The following ANKRD13C variants were observed in gnomAD, a reference collection of about 807,000 sequenced individuals.
ANKRD13C encodes ankyrin repeat domain-containing protein 13C.
ANKRD13C carries 16 observed loss-of-function variants against 65.5 expected under a neutral mutation model. That is an observed-to-expected ratio of 0.24 (90% confidence interval 0.17 to 0.37). The LOEUF (loss-of-function observed/expected upper bound fraction) is 0.37. Among genes scored for constraint, ANKRD13C ranks in the 10% least tolerant of loss-of-function variants. The pLI, the probability that ANKRD13C is intolerant of heterozygous loss-of-function variation, is 1.00. For missense variants in ANKRD13C, 503 were observed against 655.9 expected (o/e 0.77, Z 2.55); for synonymous variants, 235 against 238.7 (o/e 0.98, Z 0.14).
Position 70,262,671 on chromosome 1 carries a change from T to A in ANKRD13C, c.*46A>T, listed in dbSNP as rs1243763966. The A allele has an allele frequency of 1.9e-6, 3 of 1,587,822 alleles. No homozygotes were observed. The highest frequency in any genetic ancestry group is 2.6e-6 in the Non-Finnish European group (3 of 1,165,580). On this transcript the variant is annotated 3_prime_UTR_variant, in exon 13 of 13. Transcript: ENST00000370944. ...TCTATTTGGATCCACTTCTAGGGTC[T>A]CTGTATTTTCTTTCCTTGGTTAGAC...
At chr1:70,292,359 C>T in intron 9 of ANKRD13C, 29 bp downstream of exon 9, 1 of 1,522,876 alleles carries the variant, frequency 6.6e-7, no homozygotes, top group Non-Finnish European at 8.8e-7. Context: ...TCTTAGAAAA[C>T]TACAAATTAG....
intron 1 of ANKRD13C, 59 bp from the exon 2 acceptor site, chr1:70,336,158 C>T: frequency 2.2e-6 from 1 of 452,210 alleles, no homozygotes; most frequent in South Asian, 5.5e-5. Flanking sequence ...AGAACATTTA[C>T]TTAAAAGTGG....
chr1:70,350,609 T>C (rs1397920396), intron 1 of ANKRD13C, among the ~76,000 whole-genome samples: 1 of 152,190 alleles, frequency 6.6e-6, no homozygotes, highest in Admixed American at 6.5e-5. Context: ...AAGACTCTTG[T>C]ACGGAACAAA....
chr1:70,296,046 A>C, intron 8 of ANKRD13C, 84 bp downstream of exon 8: 1 of 1,492,020 alleles, frequency 6.7e-7, no homozygotes, highest in South Asian at 1.3e-5. Context: ...TCTGTAAGCT[A>C]CTTCTTGCAT....
chr1:70,278,998 T>G (rs1445557853), intron 9 of ANKRD13C, among the ~76,000 whole-genome samples: 1 of 151,660 alleles, frequency 6.6e-6, no homozygotes, highest in African/African-American at 2.4e-5. Context: ...CTCAGGAGTT[T>G]GAGACTAGCC....
chr1:70,276,611 A>C (rs1366688196), intron 10 of ANKRD13C, among the ~76,000 whole-genome samples, 154 bp downstream of exon 10: 1 of 152,224 alleles, frequency 6.6e-6, no homozygotes, highest in Non-Finnish European at 1.5e-5. Flanking sequence ...TATCATATTT[A>C]ATCCATATTT....
chr1:70,293,527 C>T (rs1387971923), intron 8 of ANKRD13C: 2 of 983,134 alleles, frequency 2.0e-6, no homozygotes, highest in African/African-American at 1.7e-5. Flanking sequence ...AAGAAGATCA[C>T]CTAGATGCTT....
intron 12 of ANKRD13C, among the ~76,000 whole-genome samples, chr1:70,267,098 C>A (rs1678661402): frequency 6.6e-6 from 1 of 152,112 alleles, no homozygotes; most frequent in African/African-American, 2.4e-5. Context: ...ATCTATCTTG[C>A]AACTCTGTTA....
chr1:70,260,908 A>G lies in ANKRD13C; in HGVS notation c.*1809T>C, dbSNP rs1678367043. On this transcript the variant is annotated 3_prime_UTR_variant, in exon 13 of 13. Transcript: ENST00000370944. ...TGTCTGTACTTATGAAAACATATAT[A>G]GCATATTCCTGAAAGTATACCATAT... The G allele has an allele frequency of 1.3e-5, 2 of 152,088 alleles. No homozygotes were observed. The highest frequency in any genetic ancestry group is 4.8e-5 in the African/African-American group (2 of 41,432). The allele number at this position is 152,088 out of a possible 1,614,324, so 9.4% of individuals were successfully genotyped here. A position where few individuals can be genotyped will look rare whatever the true frequency, so the allele number is the denominator to read the frequency against.
In ANKRD13C at chr1:70,315,558, G is replaced by C. The variant is rs1160813204; in HGVS notation, c.586C>G (p.Leu196Val). 1.9e-6 allele frequency: 3 copies of C among 1,602,966 alleles called. No homozygotes were observed. The highest frequency in any genetic ancestry group is 2.7e-5 in the African/African-American group (2 of 74,556). ...SYGDRQMITALLRKLKQQSRE... is the reference protein window; with the variant it reads ...SYGDRQMITAVLRKLKQQSRE... ...GATTGCTGCTTAAGCTTCCTCAAAA[G>C]AGCTGTAACTAAAGTTTAAATTTTA... The change falls in exon 4 of 13, where the codon CTT (leucine) becomes GTT (valine). Residue 196 changes from leucine to valine, a missense_variant. Physicochemically the swap from Leu to Val is conservative, Grantham distance 32. Around this residue, in one of 2 missense-constraint regions of ANKRD13C, gnomAD observed 300 missense variants for 478.3 expected, o/e 0.63. Coordinates refer to ENST00000370944, the MANE Select transcript of ANKRD13C (RefSeq NM_030816.5).
rs950654874 is a variant in ANKRD13C, at chr1:70,300,991, T to C, written c.777-83A>G. On this transcript the variant is annotated intron_variant, in intron 6 of 12. Transcript: ENST00000370944. ...TAATAATTAAATAAGCTGTTCCTTT[T>C]AAACTCAAACCAAGATGCTAATACC... 6 of 1,448,620 alleles carry C rather than the reference T, an allele frequency of 4.1e-6. No individual in the cohort carries two copies. In the African/African-American group the frequency reaches 8.8e-5, roughly 21 times the overall value. 89.7% of individuals were successfully genotyped at this position (1,448,620 alleles called of 1,614,324 possible).
intron 6 of ANKRD13C, among the ~76,000 whole-genome samples, chr1:70,303,796 AT>A (rs1201731408): frequency 6.6e-6 from 1 of 152,216 alleles, no homozygotes; most frequent in African/African-American, 2.4e-5. Context: ...ATGTTAACAG[AT>A]TTTTTCCTTT....
At chr1:70,343,283 A>G (rs989882520) in intron 1 of ANKRD13C, among the ~76,000 whole-genome samples, 8 of 152,208 alleles carry the variant, frequency 5.3e-5, no homozygotes, top group African/African-American at 1.4e-4. Context: ...TACTGTATTC[A>G]CCAACTATAT....
chr1:70,261,381 T>C lies in ANKRD13C; in HGVS notation c.*1336A>G, dbSNP rs1678384113. The C allele has an allele frequency of 1.3e-5, 2 of 152,094 alleles. No individual in the cohort carries two copies. The highest frequency in any genetic ancestry group is 4.8e-5 in the African/African-American group (2 of 41,450). 9.4% of individuals were successfully genotyped at this position (152,094 alleles called of 1,614,324 possible). On this transcript the variant is annotated 3_prime_UTR_variant, in exon 13 of 13. Transcript: ENST00000370944. ...TAAGCTACTGGTCAGTCTAAAAAAC[T>C]TGACAGATGCATTCTTGAGACATTC...
chr1:70,344,851 A>C (rs961173744), intron 1 of ANKRD13C, among the ~76,000 whole-genome samples: 17 of 152,052 alleles, frequency 1.1e-4, no homozygotes, highest in African/African-American at 4.1e-4. Context: ...AAAATTTTAA[A>C]TGTATTAATT....
chr1:70,300,833 A>G lies in ANKRD13C; in HGVS notation c.852T>C (p.Asp284=). Residue 284 remains aspartate, a synonymous_variant, in exon 7 of 13, where the codon GAT becomes GAC. Coordinates refer to ENST00000370944, the MANE Select transcript of ANKRD13C (RefSeq NM_030816.5). ...RGDLSFIFNG[D]AAPSESFVVL... is the part of the protein sequence containing the mutation. ...CTACAAAAGATTCAGAGGGCGCCGC[A>G]TCCCCATTGAAAATGAAGCTTAGAT... The G allele has an allele frequency of 6.2e-7, 1 of 1,613,772 alleles. No homozygotes were observed. Among genetic ancestry groups the G allele is most frequent in the South Asian group, 1.1e-5 (1 of 91,014 alleles).
rs1057075006 is a variant in ANKRD13C, at chr1:70,262,281, T to C, written c.*436A>G. The C allele has an allele frequency of 6.6e-6, 1 of 152,656 alleles. No homozygotes were observed. Among genetic ancestry groups the C allele is most frequent in the Non-Finnish European group, 1.5e-5 (1 of 68,072 alleles). 9.5% of individuals were successfully genotyped at this position (152,656 alleles called of 1,614,324 possible). On this transcript the variant is annotated 3_prime_UTR_variant, in exon 13 of 13. Coordinates refer to ENST00000370944, the MANE Select transcript of ANKRD13C (RefSeq NM_030816.5). ...GAATATTTATAAATGTCACCTTGCA[T>C]AAAGATGACAAGTTTAAAAGGGCTC...
rs1032242353 is a variant in ANKRD13C at position 70,276,959 on chromosome 1, C to A, written c.1216-115G>T. On this transcript the variant is annotated intron_variant, in intron 9 of 12. Coordinates refer to ENST00000370944, the MANE Select transcript of ANKRD13C (RefSeq NM_030816.5). ...TTAAAACTAACAATCTACTTAATCT[C>A]TTCAATATAATACTTGAAAAGGTTC... The A allele has an allele frequency of 6.2e-6, 5 of 803,542 alleles. No individual in the cohort carries two copies. The African/African-American group carries it at 8.8e-5, about 14-fold the overall frequency. The allele number at this position is 803,542 out of a possible 1,614,324, so 49.8% of individuals were successfully genotyped here. A position where few individuals can be genotyped will look rare whatever the true frequency, so the allele number is the denominator to read the frequency against.
At chr1:70,311,940 T>A (rs1277235193) in intron 5 of ANKRD13C, among the ~76,000 whole-genome samples, 1 of 152,174 alleles carries the variant, frequency 6.6e-6, no homozygotes, top group Non-Finnish European at 1.5e-5. Flanking sequence ...GAAGGCAGTT[T>A]ATCAAAAATA....
Sources: allele counts gnomAD v4.1 joint callset (sites outside exome capture counted in the v4.1 genomes callset), GRCh38; gene constraint gnomAD v4.1.1; regional missense constraint gnomAD v4.1.1; transcripts MANE v1.5; gene names NCBI Gene and HGNC (gene_info 2026-07-23, HGNC 2026-07-21).